Variants in PSD3 observed in about 807,000 individuals in gnomAD.
PSD3 encodes the protein PH and SEC7 domain-containing protein 3.
PSD3 carries 49 observed loss-of-function variants against 105.5 expected under a neutral mutation model. The ratio of observed to expected loss-of-function variants is 0.46; its 90% CI spans 0.37 to 0.59. PSD3 has a LOEUF of 0.59. Among genes scored for constraint, PSD3 ranks in the 20% least tolerant of loss-of-function variants. PSD3 has a pLI of 0.00. For synonymous variants in PSD3, 557 were observed against 457.8 expected, an observed-to-expected ratio of 1.22 and a Z score of -2.77; for missense variants, 1,561 against 1,263.8, an observed-to-expected ratio of 1.24 and a Z score of -3.57.
At chr8:18,581,773 G>A (rs1004610558) in intron 12 of PSD3, among the ~76,000 whole-genome samples, 4 of 152,138 alleles carry the variant, frequency 2.6e-5, no homozygotes, top group Non-Finnish European at 5.9e-5. Flanking sequence ...GTGTTTTCAG[G>A]GACCAGACGC....
chr8:18,991,866 C>T (rs1348201621), intron 1 of PSD3, among the ~76,000 whole-genome samples: 3 of 152,094 alleles, frequency 2.0e-5, no homozygotes, highest in South Asian at 2.1e-4. Context: ...ATTTACAATG[C>T]GCCAGACATG....
chr8:18,830,831 T>C (rs1482465564), intron 4 of PSD3, among the ~76,000 whole-genome samples: 2 of 152,154 alleles, frequency 1.3e-5, no homozygotes, highest in Non-Finnish European at 2.9e-5. Flanking sequence ...TCTTTCAACC[T>C]AAACCATCTA....
rs1826002322 is a variant in PSD3 at position 18,995,084 on chromosome 8, G to T, written c.21+18479C>A. ...AACAAAGCCAAAGGACTGCTTTCCA[G>T]CAAGGGAGCTGTTTACTGAAGAGAT... On this transcript the variant is annotated intron_variant, in intron 1 of 15. Coordinates refer to ENST00000327040, the MANE Select transcript of PSD3 (RefSeq NM_015310.4). Among the ~76,000 whole-genome samples the T allele has an allele frequency of 2.6e-5, 4 of 152,240 alleles. No homozygotes were observed. The South Asian group carries it at 8.3e-4, about 32-fold the overall frequency.
chr8:18,928,910 G>C (rs1046014678), intron 2 of PSD3, among the ~76,000 whole-genome samples: 2 of 151,854 alleles, frequency 1.3e-5, no homozygotes, highest in Non-Finnish European at 2.9e-5. Context: ...TTGAACTCCT[G>C]GGCTCAAACA....
chr8:19,030,709 C>T (rs1002386562), intron 1 of PSD3, among the ~76,000 whole-genome samples: 10 of 152,010 alleles, frequency 6.6e-5, no homozygotes, highest in African/African-American at 9.7e-5. Flanking sequence ...TTTTAATTAC[C>T]GTTTATCATC....
chr8:19,046,606 T>G (rs987376258), intron 1 of PSD3, among the ~76,000 whole-genome samples: 1 of 152,188 alleles, frequency 6.6e-6, no homozygotes, highest in Non-Finnish European at 1.5e-5. Context: ...CTTTCTGCCT[T>G]TTGAAATGCC....
At chr8:18,633,855 A>G (rs1466040906) in intron 10 of PSD3, among the ~76,000 whole-genome samples, 1 of 152,100 alleles carries the variant, frequency 6.6e-6, no homozygotes, top group Non-Finnish European at 1.5e-5. Flanking sequence ...TTTCCACAGT[A>G]GCTGAACTAA....
At chr8:18,991,928 A>T (rs1039564378) in intron 1 of PSD3, among the ~76,000 whole-genome samples, 4 of 152,098 alleles carry the variant, frequency 2.6e-5, no homozygotes, top group Admixed American at 6.5e-5. Flanking sequence ...AACCCTCAAA[A>T]ACACTCCTAC....
At chr8:18,556,903 C>G (rs752117239) in intron 14 of PSD3, among the ~76,000 whole-genome samples, 38 of 152,206 alleles carry the variant, frequency 2.5e-4, no homozygotes, top group Non-Finnish European at 4.0e-4. Context: ...TTTTCTCTTA[C>G]CAAAGCAGCA....
chr8:18,912,647 C>A (rs116949159), intron 2 of PSD3, among the ~76,000 whole-genome samples: 7,545 of 152,218 alleles, frequency 0.05, 200 homozygotes, highest in Admixed American at 0.081. Context: ...CACTCACTCA[C>A]CACACCTAGT....
chr8:18,957,917 G>A (rs965845443), intron 1 of PSD3, among the ~76,000 whole-genome samples: 2 of 152,130 alleles, frequency 1.3e-5, no homozygotes, highest in African/African-American at 4.8e-5. Flanking sequence ...GCCACAGCAC[G>A]CTCATACACT....
intron 3 of PSD3, among the ~76,000 whole-genome samples, chr8:18,869,164 C>T (rs1586277657): frequency 6.6e-6 from 1 of 150,566 alleles, no homozygotes; most frequent in Non-Finnish European, 1.5e-5. Flanking sequence ...TACCTCTCCA[C>T]ACTCACTGCA....
intron 1 of PSD3, among the ~76,000 whole-genome samples, chr8:18,966,011 A>C (rs1824221345): frequency 6.6e-6 from 1 of 152,200 alleles, no homozygotes; most frequent in African/African-American, 2.4e-5. Context: ...GTAGGCAACA[A>C]ATATTTTAAT....
upstream of PSD3, among the ~76,000 whole-genome samples, chr8:19,014,952 C>T (rs2410598): frequency 0.11 from 17,213 of 152,228 alleles, 1,211 homozygotes; most frequent in African/African-American, 0.19. The surrounding 1 kb of genome is among the most constrained non-coding windows in gnomAD (Gnocchi z 4.9). Flanking sequence ...AAAACGTCCG[C>T]AGCTCATGCT....
At chr8:18,664,858 G>A (rs530230536) in intron 9 of PSD3, among the ~76,000 whole-genome samples, 1 of 152,284 alleles carries the variant, frequency 6.6e-6, no homozygotes, top group African/African-American at 2.4e-5. Flanking sequence ...CCCTTACTCT[G>A]CCTTTGCTCT....
intron 9 of PSD3, among the ~76,000 whole-genome samples, chr8:18,745,435 A>T (rs1173525669): frequency 6.6e-6 from 1 of 152,214 alleles, no homozygotes; most frequent in Non-Finnish European, 1.5e-5. Context: ...TTTGTTGCTC[A>T]AATTGTTCCA....
chr8:18,554,721 G>A (rs947061089), intron 15 of PSD3, among the ~76,000 whole-genome samples: 46 of 152,046 alleles, frequency 3.0e-4, no homozygotes, highest in African/African-American at 1.1e-3. Flanking sequence ...TACGGAATCC[G>A]CTACAGGTAA....
chr8:18,602,638 A>C (rs1337519685), intron 11 of PSD3, among the ~76,000 whole-genome samples: 1 of 152,096 alleles, frequency 6.6e-6, no homozygotes, highest in Non-Finnish European at 1.5e-5. Context: ...CGTAATGCTA[A>C]GAGTAAGGTA....
intron 9 of PSD3, among the ~76,000 whole-genome samples, chr8:18,746,447 C>A (rs1420062854): frequency 6.6e-6 from 1 of 152,126 alleles, no homozygotes; most frequent in African/African-American, 2.4e-5. Context: ...TCGGAAACAC[C>A]AAACAAAGGT....
Sources: gnomAD v4.1 joint callset for allele counts (sites outside exome capture counted in the v4.1 genomes callset) on GRCh38, gnomAD v4.1.1 for gene constraint, Gnocchi (gnomAD v3.1) non-coding constraint, MANE v1.5 for transcripts, NCBI Gene and HGNC (gene_info 2026-07-23, HGNC 2026-07-21) for gene names.